Variants in MARCHF3 observed in about 807,000 individuals in gnomAD.
MARCHF3 encodes the protein membrane associated ring-CH-type finger 3, also known as E3 ubiquitin-protein ligase MARCHF3.
MARCHF3 carries 13 observed loss-of-function variants against 24.2 expected under a neutral mutation model. That is an observed-to-expected ratio of 0.54 (90% CI 0.35 to 0.85). The LOEUF is 0.85. Among genes scored for constraint, MARCHF3 ranks in the 40% least tolerant of loss-of-function variants. MARCHF3 has a pLI of 0.01. For synonymous variants in MARCHF3, 144 were observed against 137.3 expected (o/e 1.05, Z -0.34); for missense variants, 276 against 325.0 (o/e 0.85, Z 1.16).
intron 1 of MARCHF3, among the ~76,000 whole-genome samples, chr5:127,020,892 A>T (rs1426259375): frequency 2.0e-5 from 3 of 151,720 alleles, no homozygotes; most frequent in Non-Finnish European, 1.5e-5. Context: ...TAAAATAAAA[A>T]TAAAAAGAGA....
intron 1 of MARCHF3, among the ~76,000 whole-genome samples, chr5:127,011,121 C>T (rs1251190356): frequency 1.3e-5 from 2 of 152,136 alleles, no homozygotes; most frequent in African/African-American, 4.8e-5. Context: ...AAAAGTGATA[C>T]CCTGCATGAA....
At chr5:126,901,884 A>C (rs1477397015) in intron 3 of MARCHF3, among the ~76,000 whole-genome samples, 1 of 152,002 alleles carries the variant, frequency 6.6e-6, no homozygotes, top group African/African-American at 2.4e-5. Context: ...GTGACATTTC[A>C]ATTCTCCTCT....
intron 1 of MARCHF3, among the ~76,000 whole-genome samples, chr5:126,958,207 T>C (rs1281397899): frequency 6.6e-6 from 1 of 152,146 alleles, no homozygotes. Flanking sequence ...TTCTGTTTCT[T>C]AGATGGGCAG....
intron 1 of MARCHF3, among the ~76,000 whole-genome samples, chr5:126,990,532 C>A (rs980258167): frequency 6.6e-6 from 1 of 152,100 alleles, no homozygotes; most frequent in Non-Finnish European, 1.5e-5. Flanking sequence ...GCAACAAAAG[C>A]CAAAATAGGC....
chr5:126,899,258 C>T, intron 3 of MARCHF3: 4 of 985,316 alleles, frequency 4.1e-6, no homozygotes, highest in Non-Finnish European at 4.8e-6. Context: ...TCCCCCAAAT[C>T]TGCTGCACCT....
chr5:126,873,760 A>C (rs1753051052), intron 4 of MARCHF3, among the ~76,000 whole-genome samples: 1 of 152,262 alleles, frequency 6.6e-6, no homozygotes, highest in Admixed American at 6.5e-5. Context: ...GTGGTTAATC[A>C]CTACAGTCTG....
intron 1 of MARCHF3, among the ~76,000 whole-genome samples, chr5:127,024,578 C>T (rs1007740661): frequency 1.3e-5 from 2 of 152,166 alleles, no homozygotes; most frequent in African/African-American, 2.4e-5. Context: ...ATGATAGGTA[C>T]TCAATTAGTA....
At chr5:126,935,306 C>T (rs529223403) in intron 1 of MARCHF3, among the ~76,000 whole-genome samples, 4 of 152,168 alleles carry the variant, frequency 2.6e-5, no homozygotes, top group South Asian at 2.1e-4. Flanking sequence ...TGTGAAGGTC[C>T]GAACAGAACA....
intron 1 of MARCHF3, among the ~76,000 whole-genome samples, chr5:126,928,464 T>C (rs997383437): frequency 1.3e-5 from 2 of 152,170 alleles, no homozygotes; most frequent in Admixed American, 1.3e-4. Context: ...TAAATTTAAG[T>C]AAAGGAGATT....
At chr5:126,984,845 T>C (rs185360799) in intron 1 of MARCHF3, among the ~76,000 whole-genome samples, 2 of 152,328 alleles carry the variant, frequency 1.3e-5, no homozygotes, top group Admixed American at 6.5e-5. Context: ...TGGAATAATA[T>C]GAGGTCTGGC....
At chr5:126,996,813 A>AAT (rs1751962133) in intron 1 of MARCHF3, among the ~76,000 whole-genome samples, 1 of 152,202 alleles carries the variant, frequency 6.6e-6, no homozygotes, top group Admixed American at 6.5e-5. Context: ...TAAGAAAAAA[A>AAT]ATAAGCGTGA....
At chr5:126,985,243 A>G (rs2126838735) in intron 1 of MARCHF3, among the ~76,000 whole-genome samples, 1 of 152,312 alleles carries the variant, frequency 6.6e-6, no homozygotes, top group African/African-American at 2.4e-5. Flanking sequence ...CAGGATTTAC[A>G]TTGAAATGCT....
intron 1 of MARCHF3, among the ~76,000 whole-genome samples, chr5:127,025,776 T>C (rs1752973832): frequency 6.6e-6 from 1 of 152,242 alleles, no homozygotes; most frequent in Admixed American, 6.5e-5. Context: ...TCTTTTTCTT[T>C]CTTCTTACTA....
chr5:126,928,642 AG>A (rs1174757333), intron 1 of MARCHF3, among the ~76,000 whole-genome samples: 6 of 152,208 alleles, frequency 3.9e-5, no homozygotes, highest in Non-Finnish European at 5.9e-5. Flanking sequence ...AGAACATGAT[AG>A]TAAATCCACA....
chr5:126,976,826 G>A (rs1442405506), intron 1 of MARCHF3, among the ~76,000 whole-genome samples: 3 of 152,212 alleles, frequency 2.0e-5, no homozygotes, highest in South Asian at 2.1e-4. Context: ...ACCTGCTCAC[G>A]TGGCAGGCAG....
At chr5:127,011,084 G>A (rs948530511) in intron 1 of MARCHF3, among the ~76,000 whole-genome samples, 5 of 152,108 alleles carry the variant, frequency 3.3e-5, no homozygotes, top group Non-Finnish European at 2.9e-5. Flanking sequence ...TTTCCATGGA[G>A]CCTTCATACT....
intron 1 of MARCHF3, chr5:127,029,904 T>G (rs150392162): frequency 1.3e-5 from 2 of 152,402 alleles, no homozygotes; most frequent in African/African-American, 4.8e-5. Flanking sequence ...GTACTCCAGT[T>G]CTCTGGCGCT....
chr5:126,951,365 G>T (rs536938579), intron 1 of MARCHF3, among the ~76,000 whole-genome samples: 6 of 152,202 alleles, frequency 3.9e-5, no homozygotes, highest in Admixed American at 3.9e-4. Context: ...TAGTGACATG[G>T]CTAGTCCCAA....
intron 1 of MARCHF3, among the ~76,000 whole-genome samples, chr5:126,962,262 A>G (rs568103848): frequency 1.2e-4 from 18 of 152,196 alleles, no homozygotes; most frequent in Non-Finnish European, 2.2e-4. Flanking sequence ...ATATCTCTGC[A>G]GATTGATTTT....
Sources: allele counts gnomAD v4.1 joint callset (sites outside exome capture counted in the v4.1 genomes callset), GRCh38; gene constraint gnomAD v4.1.1; transcripts MANE v1.5; gene names NCBI Gene and HGNC (gene_info 2026-07-23, HGNC 2026-07-21).